Variants in ANKRD11 observed in about 807,000 individuals in gnomAD.
The protein encoded by ANKRD11 is ankyrin repeat domain-containing protein 11.
In ANKRD11, 17 loss-of-function variants were observed where a neutral mutation model predicts 195.7. That is an observed-to-expected ratio of 0.09 (90% CI 0.06 to 0.13). The LOEUF is 0.13. Ranked by LOEUF, ANKRD11 falls within the 10% of genes least tolerant of loss-of-function variation. The pLI, the probability that ANKRD11 is intolerant of heterozygous loss-of-function variation, is 1.00. For missense variants in ANKRD11, 3,735 were observed against 3,566.1 expected, an observed-to-expected ratio of 1.05 and a Z score of -1.21; for synonymous variants, 1,953 against 1,528.1, an observed-to-expected ratio of 1.28 and a Z score of -6.49.
At chr16:89,388,293 A>ATTTTTTTGTTTTTTTTTT (rs2041016784) in intron 2 of ANKRD11, among the ~76,000 whole-genome samples, 1 of 85,266 alleles carries the variant, frequency 1.2e-5, no homozygotes, top group Non-Finnish European at 2.3e-5. Flanking sequence ...CATGAGGCTG[A>ATTTTTTTGTTTTTTTTTT]TTTTTTTTTT....
chr16:89,443,710 G>A (rs575528803), intron 1 of ANKRD11, among the ~76,000 whole-genome samples: 6 of 152,306 alleles, frequency 3.9e-5, no homozygotes, highest in South Asian at 2.1e-4. Context: ...TCTTAAGAGC[G>A]GGAACACCCC....
At chr16:89,427,642 C>T (rs2042770626) in intron 1 of ANKRD11, among the ~76,000 whole-genome samples, 1 of 151,670 alleles carries the variant, frequency 6.6e-6, no homozygotes, top group African/African-American at 2.4e-5. Context: ...ACAATAAATA[C>T]AAAAAAATTA....
intron 1 of ANKRD11, among the ~76,000 whole-genome samples, chr16:89,463,259 A>G (rs1414312054): frequency 6.6e-6 from 1 of 152,206 alleles, no homozygotes; most frequent in African/African-American, 2.4e-5. Flanking sequence ...AAAGATTGAG[A>G]AATCGGATGG....
At chr16:89,319,428 G>T (rs1350875659) in intron 2 of ANKRD11, among the ~76,000 whole-genome samples, 1 of 152,210 alleles carries the variant, frequency 6.6e-6, no homozygotes, top group Non-Finnish European at 1.5e-5. Context: ...GCATCACAGC[G>T]AACACTCCGG....
chr16:89,359,356 A>C (rs918327270), intron 2 of ANKRD11, among the ~76,000 whole-genome samples: 67 of 152,314 alleles, frequency 4.4e-4, no homozygotes, highest in African/African-American at 1.6e-3. Flanking sequence ...CAGCCCTTTA[A>C]AAAGCAGACT....
chr16:89,452,298 G>A (rs2044113146), intron 1 of ANKRD11, among the ~76,000 whole-genome samples: 1 of 151,890 alleles, frequency 6.6e-6, no homozygotes, highest in African/African-American at 2.4e-5. Context: ...TTAGAGACAG[G>A]AATTACAGCC....
At chr16:89,385,575 C>T (rs918382880) in intron 2 of ANKRD11, among the ~76,000 whole-genome samples, 1 of 152,162 alleles carries the variant, frequency 6.6e-6, no homozygotes, top group Non-Finnish European at 1.5e-5. Context: ...TCCAACTCTA[C>T]TGAGTGAGCA....
chr16:89,270,337 A>C, intron 12 of ANKRD11: 1 of 158,196 alleles, frequency 6.3e-6, no homozygotes. Context: ...AAAGTTCTGT[A>C]ACTTTTGGCA....
In ANKRD11 at chr16:89,344,974, G is replaced by A. The variant is rs371185371; in HGVS notation, c.-59-27896C>T. ...GCAGAACTGAAAATCTCAGGAAAAA[G>A]CACAAACACAGCACACAGCAGAAGC... On this transcript the variant is annotated intron_variant, in intron 2 of 12. Transcript: ENST00000301030. 1.8e-4 allele frequency among the ~76,000 whole-genome samples: 27 copies of A among 152,330 alleles called. No homozygotes were observed. The East Asian group carries it at 3.1e-3, about 17-fold the overall frequency.
chr16:89,392,183 G>C (rs2041228750), intron 2 of ANKRD11, among the ~76,000 whole-genome samples: 1 of 152,200 alleles, frequency 6.6e-6, no homozygotes, highest in Admixed American at 6.5e-5. Context: ...AAATGACCCT[G>C]GTCTCCTTCA....
chr16:89,462,967 C>A (rs989643217), intron 1 of ANKRD11, among the ~76,000 whole-genome samples: 1 of 151,176 alleles, frequency 6.6e-6, no homozygotes, highest in Non-Finnish European at 1.5e-5. Flanking sequence ...TCAGCCCCCC[C>A]GCCAGGCCAG....
intron 4 of ANKRD11, among the ~76,000 whole-genome samples, chr16:89,292,037 G>A (rs2035094884): frequency 6.6e-6 from 1 of 152,202 alleles, no homozygotes; most frequent in African/African-American, 2.4e-5. Flanking sequence ...CCTGTGGATG[G>A]AAATCAGGGG....
At chr16:89,368,197 T>C (rs1004955888) in intron 2 of ANKRD11, among the ~76,000 whole-genome samples, 1 of 151,682 alleles carries the variant, frequency 6.6e-6, no homozygotes, top group Admixed American at 6.6e-5. Context: ...TAACATGTTT[T>C]CGAGCTTTTT....
At chr16:89,393,772 C>T (rs969462054) in intron 2 of ANKRD11, among the ~76,000 whole-genome samples, 13 of 152,114 alleles carry the variant, frequency 8.5e-5, no homozygotes, top group African/African-American at 3.1e-4. Context: ...ATTCTGGAAT[C>T]TGGCAGAGCT....
intron 2 of ANKRD11, among the ~76,000 whole-genome samples, chr16:89,322,799 A>G (rs76888206): frequency 0.021 from 3,223 of 152,376 alleles, 110 homozygotes; most frequent in African/African-American, 0.073. Context: ...GCCTGCCTGC[A>G]GCACACGGCC....
chr16:89,373,985 G>A (rs891559185), intron 2 of ANKRD11, among the ~76,000 whole-genome samples: 2 of 152,242 alleles, frequency 1.3e-5, no homozygotes, highest in African/African-American at 4.8e-5. Context: ...CTCCAGAAGG[G>A]TCTGACGACC....
intron 1 of ANKRD11, among the ~76,000 whole-genome samples, chr16:89,460,034 G>C (rs916536858): frequency 1.3e-5 from 2 of 152,042 alleles, no homozygotes; most frequent in African/African-American, 4.8e-5. Context: ...TCCGGAGTTT[G>C]AGACCAGCCT....
intron 1 of ANKRD11, among the ~76,000 whole-genome samples, chr16:89,435,881 A>G (rs748029990): frequency 6.6e-6 from 1 of 151,300 alleles, no homozygotes; most frequent in East Asian, 1.9e-4. Flanking sequence ...TTTTCACTTC[A>G]ACTTCTGCAT....
At chr16:89,288,229 C>T (rs2034788881) in intron 7 of ANKRD11, 1 of 613,360 alleles carries the variant, frequency 1.6e-6, no homozygotes, top group Non-Finnish European at 2.9e-6. Context: ...CTGCAGGCCT[C>T]CTTCCACTTG....
Sources: allele counts gnomAD v4.1 joint callset (sites outside exome capture counted in the v4.1 genomes callset), GRCh38; gene constraint gnomAD v4.1.1; transcripts MANE v1.5; gene names NCBI Gene and HGNC (gene_info 2026-07-23, HGNC 2026-07-21).